The following NRCAM variants were observed in gnomAD, a reference collection of about 807,000 sequenced individuals.
NRCAM encodes NgCAM-related cell adhesion molecule.
Under a neutral mutation model 156.5 loss-of-function variants are expected in NRCAM, and 83 were observed. That is an observed-to-expected ratio of 0.53 (90% CI 0.44 to 0.64). The LOEUF (loss-of-function observed/expected upper bound fraction) is 0.64, where lower values mean the gene tolerates loss of function less well. Among genes scored for constraint, NRCAM ranks in the 30% least tolerant of loss-of-function variants. The pLI is 0.00. For missense variants in NRCAM, 1,417 were observed against 1,597.3 expected (o/e 0.89, Z 1.92); for synonymous variants, 538 against 563.9 (o/e 0.95, Z 0.65).
intron 12 of NRCAM, 100 bp from the exon 13 acceptor site, chr7:108,207,759 C>G (rs1473355691): frequency 1.1e-6 from 1 of 908,348 alleles, no homozygotes; most frequent in Non-Finnish European, 1.6e-6. Flanking sequence ...AAGTACTTCA[C>G]ACTAAATTAG....
intron 1 of NRCAM, among the ~76,000 whole-genome samples, chr7:108,409,741 C>T (rs1271577669): frequency 6.6e-6 from 1 of 152,078 alleles, no homozygotes; most frequent in Admixed American, 6.6e-5. Context: ...TAAAATTTAG[C>T]AAAATTTCCC....
intron 2 of NRCAM, among the ~76,000 whole-genome samples, chr7:108,387,351 A>G (rs182157483): frequency 1.1e-3 from 160 of 152,248 alleles, no homozygotes; most frequent in African/African-American, 3.7e-3. Flanking sequence ...TGTAATAAAA[A>G]TGGCAATAAA....
chr7:108,366,373 C>T (rs2099591746), intron 2 of NRCAM, among the ~76,000 whole-genome samples: 1 of 152,136 alleles, frequency 6.6e-6, no homozygotes, highest in Non-Finnish European at 1.5e-5. Context: ...AATTGAACCA[C>T]TAATGTAAAA....
chr7:108,257,688 G>A (rs942686913), intron 3 of NRCAM, among the ~76,000 whole-genome samples: 3 of 152,098 alleles, frequency 2.0e-5, no homozygotes, highest in Non-Finnish European at 4.4e-5. Flanking sequence ...ATCATCATCT[G>A]CAAATCAATT....
intron 3 of NRCAM, among the ~76,000 whole-genome samples, chr7:108,247,230 T>A (rs2096001836): frequency 6.6e-6 from 1 of 152,200 alleles, no homozygotes; most frequent in Non-Finnish European, 1.5e-5. Context: ...AGGAATGGTT[T>A]ATTATATAGC....
At chr7:108,207,155 T>C (rs1031861718) in intron 13 of NRCAM, 1 of 167,564 alleles carries the variant, frequency 6.0e-6, no homozygotes, top group Non-Finnish European at 1.3e-5. Flanking sequence ...ATGCCGAGTC[T>C]CCCCACCTAT....
In NRCAM at chr7:108,209,014, T is replaced by G. The variant is rs1009421482; in HGVS notation, c.1075+407A>C. Among the ~76,000 whole-genome samples, 9 of 152,284 alleles carry G rather than the reference T, an allele frequency of 5.9e-5. 1 individual carries two copies. Among genetic ancestry groups the G allele is most frequent in the Middle Eastern group, 6.8e-3 (2 of 294 alleles). On this transcript the variant is annotated intron_variant, in intron 12 of 32. Coordinates refer to ENST00000379028, the MANE Select transcript of NRCAM (RefSeq NM_001037132.4). ...CTAAAGAAAGGAGTAATAAAGTATT[T>G]GTGGACACGCTAAAACTTCCCCAGT...
At chr7:108,237,910 A>G (rs1325273221) in intron 4 of NRCAM, 141 bp from the exon 5 acceptor site, 1 of 503,018 alleles carries the variant, frequency 2.0e-6, no homozygotes, top group Non-Finnish European at 3.2e-6. Context: ...CTGTATAGTG[A>G]AGGTTGAATT....
At chr7:108,411,008 T>TAA (rs5886459) in intron 1 of NRCAM, among the ~76,000 whole-genome samples, 18 of 152,088 alleles carry the variant, frequency 1.2e-4, no homozygotes, top group African/African-American at 4.1e-4. Flanking sequence ...TCTGTTTTTT[T>TAA]AAAAAAACTT....
chr7:108,159,719 GCAACC>G (rs2047687171), intron 31 of NRCAM, among the ~76,000 whole-genome samples, 178 bp from the exon 32 acceptor site: 1 of 152,002 alleles, frequency 6.6e-6, no homozygotes, highest in South Asian at 2.1e-4. Context: ...TATTTTTGAG[GCAACC>G]CAATAGAATG....
intron 24 of NRCAM, among the ~76,000 whole-genome samples, chr7:108,180,984 T>C (rs1394028062): frequency 6.6e-6 from 1 of 152,206 alleles, no homozygotes; most frequent in African/African-American, 2.4e-5. Context: ...CTAGAATTTT[T>C]CCACTAAATC....
chr7:108,185,984 CAG>C (rs1438859900), intron 20 of NRCAM, among the ~76,000 whole-genome samples: 1 of 152,144 alleles, frequency 6.6e-6, no homozygotes, highest in Non-Finnish European at 1.5e-5. Context: ...AGCTGGGAGA[CAG>C]GGGCGGGAGG....
At chr7:108,391,936 G>A (rs1443557267) in intron 2 of NRCAM, among the ~76,000 whole-genome samples, 3 of 152,212 alleles carry the variant, frequency 2.0e-5, no homozygotes, top group African/African-American at 7.2e-5. Context: ...TTTCTGCCGA[G>A]AGATCCGCTG....
At chr7:108,388,218 CTGT>C (rs2099747653) in intron 2 of NRCAM, among the ~76,000 whole-genome samples, 3 of 152,128 alleles carry the variant, frequency 2.0e-5, no homozygotes, top group South Asian at 2.1e-4. Flanking sequence ...TCTCCAGCAC[CTGT>C]TGTTTCCTGA....
chr7:108,369,402 T>C (rs1178251530), intron 2 of NRCAM, among the ~76,000 whole-genome samples: 2 of 152,136 alleles, frequency 1.3e-5, no homozygotes, highest in African/African-American at 4.8e-5. Flanking sequence ...TTATGAAATA[T>C]AGGCCACTGA....
intron 2 of NRCAM, among the ~76,000 whole-genome samples, chr7:108,343,563 C>T (rs2099318191): frequency 6.6e-6 from 1 of 152,146 alleles, no homozygotes. Flanking sequence ...TCTGGGAAAC[C>T]AAGCCCCAGT....
chr7:108,381,891 G>A (rs565268420), intron 2 of NRCAM, among the ~76,000 whole-genome samples: 1 of 152,194 alleles, frequency 6.6e-6, no homozygotes, highest in Admixed American at 6.5e-5. Flanking sequence ...TGGCTTTAGG[G>A]TAATCTCATC....
At chr7:108,174,555 G>A (rs2059773832) in intron 28 of NRCAM, among the ~76,000 whole-genome samples, 1 of 152,212 alleles carries the variant, frequency 6.6e-6, no homozygotes, top group Non-Finnish European at 1.5e-5. Context: ...AAAGACTGGG[G>A]CATCTTTGGC....
intron 3 of NRCAM, among the ~76,000 whole-genome samples, chr7:108,288,541 T>C (rs1349238711): frequency 1.3e-5 from 2 of 152,146 alleles, no homozygotes; most frequent in Admixed American, 6.6e-5. Context: ...AAGAAACTTA[T>C]GTTTTAGCTC....
Sources: gnomAD v4.1 joint callset for allele counts (sites outside exome capture counted in the v4.1 genomes callset) on GRCh38, gnomAD v4.1.1 for gene constraint, MANE v1.5 for transcripts, NCBI Gene and HGNC (gene_info 2026-07-23, HGNC 2026-07-21) for gene names.